The following GRM8 variants were observed in gnomAD, a reference collection of about 807,000 sequenced individuals.
GRM8 encodes the protein glutamate metabotropic receptor 8.
A neutral mutation model predicts 87.2 loss-of-function variants in GRM8; 47 were observed. The observed-to-expected ratio is 0.54, with a 90% CI of 0.43 to 0.69. The LOEUF is 0.69. Among genes scored for constraint, GRM8 ranks in the 30% least tolerant of loss-of-function variants. GRM8 has a pLI of 0.00. For missense variants in GRM8, 1,019 were observed against 1,139.2 expected (o/e 0.89, Z 1.52); for synonymous variants, 396 against 404.5 (o/e 0.98, Z 0.25).
At chr7:127,219,399 T>C (rs1001907743) in intron 2 of GRM8, 2 of 152,178 alleles carry the variant, frequency 1.3e-5, no homozygotes, top group Admixed American at 6.5e-5. Context: ...TTAAAATTAC[T>C]TTTTCGTTGT....
chr7:126,457,222 T>C (rs1237122481), intron 9 of GRM8, among the ~76,000 whole-genome samples: 1 of 151,140 alleles, frequency 6.6e-6, no homozygotes, highest in African/African-American at 2.4e-5. Context: ...ATATCCACGG[T>C]GAAGGATGGA....
chr7:127,018,852 G>A (rs1586767418), intron 3 of GRM8, among the ~76,000 whole-genome samples: 1 of 151,884 alleles, frequency 6.6e-6, no homozygotes, highest in South Asian at 2.1e-4. Context: ...AGACAAAAGG[G>A]AAAAACAGAC....
chr7:126,986,245 A>G (rs1000108616), intron 3 of GRM8, among the ~76,000 whole-genome samples: 7 of 152,082 alleles, frequency 4.6e-5, no homozygotes, highest in African/African-American at 1.7e-4. Flanking sequence ...TCTAAGCTCA[A>G]ATGATCCTCC....
chr7:126,988,746 A>T (rs1812356932), intron 3 of GRM8, among the ~76,000 whole-genome samples: 2 of 152,230 alleles, frequency 1.3e-5, no homozygotes, highest in Non-Finnish European at 2.9e-5. Context: ...GATAACAGGA[A>T]CATACAAACT....
chr7:126,626,108 G>A (rs1321090072), intron 7 of GRM8, among the ~76,000 whole-genome samples: 1 of 151,856 alleles, frequency 6.6e-6, no homozygotes, highest in East Asian at 1.9e-4. Flanking sequence ...AGAAGTGTGT[G>A]TGTGTGTGTG....
At chr7:127,015,434 G>A (rs772590962) in intron 3 of GRM8, among the ~76,000 whole-genome samples, 3 of 152,040 alleles carry the variant, frequency 2.0e-5, no homozygotes, top group Admixed American at 6.6e-5. Flanking sequence ...TTGGGAAAAC[G>A]GAGGTTCAAG....
At chr7:127,203,363 C>T (rs1795717077) in intron 2 of GRM8, among the ~76,000 whole-genome samples, 1 of 152,160 alleles carries the variant, frequency 6.6e-6, no homozygotes, top group African/African-American at 2.4e-5. Context: ...ACTCAAAACT[C>T]AGCATCACAC....
At chr7:127,005,951 C>T (rs1157979003) in intron 3 of GRM8, among the ~76,000 whole-genome samples, 2 of 151,820 alleles carry the variant, frequency 1.3e-5, no homozygotes, top group Admixed American at 1.3e-4. Context: ...TTCTATGTTT[C>T]CATAACAAAT....
intron 2 of GRM8, among the ~76,000 whole-genome samples, chr7:127,157,570 A>T (rs1792816306): frequency 6.6e-6 from 1 of 152,232 alleles, no homozygotes; most frequent in Non-Finnish European, 1.5e-5. Context: ...TATTAATGAG[A>T]ACACAACAAG....
intron 3 of GRM8, among the ~76,000 whole-genome samples, chr7:127,087,421 G>C (rs1823624517): frequency 6.6e-6 from 1 of 152,210 alleles, no homozygotes; most frequent in Non-Finnish European, 1.5e-5. Context: ...AAATCAGTAG[G>C]AAGAGGCAAA....
In GRM8 at chr7:127,174,471, G is replaced by T. The variant is rs189444406; in HGVS notation, c.511-67759C>A. Among the ~76,000 whole-genome samples, 390 of 152,226 alleles carry T rather than the reference G, an allele frequency of 2.6e-3. 3 individuals are homozygous for T. The highest frequency in any genetic ancestry group is 8.1e-3 in the African/African-American group (336 of 41,544). On this transcript the variant is annotated intron_variant, in intron 2 of 10. Transcript: ENST00000339582. ...GAGAGCTGACCAAAGGATGTCTCCT[G>T]GTAGCCTAATTGGTCCTCTTGGTCC...
intron 9 of GRM8, among the ~76,000 whole-genome samples, chr7:126,493,475 T>C (rs1808293542): frequency 6.6e-6 from 1 of 152,058 alleles, no homozygotes; most frequent in South Asian, 2.1e-4. Context: ...GATGTGCTAA[T>C]GGAGCAATGA....
intron 3 of GRM8, among the ~76,000 whole-genome samples, chr7:126,977,158 A>T (rs11979046): frequency 0.056 from 8,484 of 152,222 alleles, 792 homozygotes; most frequent in African/African-American, 0.19. Flanking sequence ...TAAAAATTTT[A>T]AATATTTTCA....
chr7:126,488,301 C>G (rs1807604136), intron 9 of GRM8, among the ~76,000 whole-genome samples: 1 of 151,958 alleles, frequency 6.6e-6, no homozygotes, highest in Non-Finnish European at 1.5e-5. Flanking sequence ...TTTGTGCCAG[C>G]AGTGTAGATG....
At chr7:127,033,646 T>A (rs1487817066) in intron 3 of GRM8, among the ~76,000 whole-genome samples, 4 of 152,138 alleles carry the variant, frequency 2.6e-5, no homozygotes, top group Non-Finnish European at 5.9e-5. Context: ...TTTCTCCAAA[T>A]CTCATGTACC....
rs981184116 is a variant in GRM8, at chr7:126,770,531, T to A, written c.1157-466A>T. Among the ~76,000 whole-genome samples, 27 of 152,088 alleles carry A rather than the reference T, an allele frequency of 1.8e-4. 1 individual carries two copies. Among genetic ancestry groups the A allele is most frequent in the African/African-American group, 6.3e-4 (26 of 41,430 alleles). ...TGTGCTCCATTTGGGAGCCTTTTTG[T>A]AACTTTTATATGACAATACTCCCTT... On this transcript the variant is annotated intron_variant, in intron 6 of 10. Coordinates refer to ENST00000339582, the MANE Select transcript of GRM8 (RefSeq NM_000845.3).
rs146632824 is a variant in GRM8 at position 126,718,289 on chromosome 7, C to T, written c.1357+51576G>A. Among the ~76,000 whole-genome samples the T allele has an allele frequency of 5.1e-4, 77 of 151,940 alleles. 1 individual carries two copies. Among genetic ancestry groups the T allele is most frequent in the African/African-American group, 1.8e-3 (76 of 41,428 alleles). ...TTTTTTCTCTATTTACTCAGTTTTCCAGAGGGAAGGCTAAGCTTGTTCCAT... is the reference window on the plus strand; with the variant it reads ...TTTTTTCTCTATTTACTCAGTTTTCTAGAGGGAAGGCTAAGCTTGTTCCAT... On this transcript the variant is annotated intron_variant, in intron 7 of 10. Coordinates refer to ENST00000339582, the MANE Select transcript of GRM8 (RefSeq NM_000845.3).
chr7:126,860,565 A>T (rs1360251997), intron 6 of GRM8, among the ~76,000 whole-genome samples: 1 of 152,198 alleles, frequency 6.6e-6, no homozygotes, highest in Non-Finnish European at 1.5e-5. Context: ...ATTACTAATT[A>T]AAATGGTTAC....
intron 7 of GRM8, among the ~76,000 whole-genome samples, chr7:126,633,749 A>T (rs1801581004): frequency 6.6e-6 from 1 of 152,034 alleles, no homozygotes; most frequent in Non-Finnish European, 1.5e-5. Flanking sequence ...TATTTGGTAC[A>T]TATAGAATGT....
Sources: gnomAD v4.1 joint callset for allele counts (sites outside exome capture counted in the v4.1 genomes callset) on GRCh38, gnomAD v4.1.1 for gene constraint, MANE v1.5 for transcripts, NCBI Gene and HGNC (gene_info 2026-07-23, HGNC 2026-07-21) for gene names.